The following TUBGCP5 variants were observed in gnomAD, a reference collection of about 807,000 sequenced individuals.
TUBGCP5 encodes tubulin gamma complex component 5.
A neutral mutation model predicts 134.7 loss-of-function variants in TUBGCP5; 98 were observed. The observed-to-expected ratio is 0.73, with a 90% CI of 0.62 to 0.86. The LOEUF (loss-of-function observed/expected upper bound fraction) is 0.86, where lower values mean the gene tolerates loss of function less well. Ranked by LOEUF, TUBGCP5 falls within the 40% of genes least tolerant of loss-of-function variation. The pLI, the probability that TUBGCP5 is intolerant of heterozygous loss-of-function variation, is 0.00. For synonymous variants in TUBGCP5, 456 were observed against 431.4 expected (o/e 1.06, Z -0.71); for missense variants, 1,150 against 1,244.8 (o/e 0.92, Z 1.15).
chr15:23,022,823 G>A (rs996713800), intron 10 of TUBGCP5, among the ~76,000 whole-genome samples: 1 of 152,110 alleles, frequency 6.6e-6, no homozygotes, highest in African/African-American at 2.4e-5. Flanking sequence ...GGGCCTCTCT[G>A]TACTATTTTT....
chr15:22,992,648 TAA>T (rs1422025391), intron 23 of TUBGCP5, among the ~76,000 whole-genome samples: 1 of 152,140 alleles, frequency 6.6e-6, no homozygotes, highest in East Asian at 1.9e-4. Flanking sequence ...TTGATGACAC[TAA>T]AGTGCTTTGA....
intron 11 of TUBGCP5, among the ~76,000 whole-genome samples, chr15:23,021,257 C>T (rs2065671208): frequency 6.6e-6 from 1 of 152,108 alleles, no homozygotes; most frequent in Admixed American, 6.6e-5. Flanking sequence ...AGGCGTGAGC[C>T]ACTATGCATG....
In TUBGCP5 at chr15:23,026,121, G is replaced by A; in HGVS notation, c.822C>T (p.Thr274=). 1.9e-6 allele frequency: 3 copies of A among 1,605,996 alleles called. No individual in the cohort carries two copies. Among genetic ancestry groups the A allele is most frequent in the Admixed American group, 1.7e-5 (1 of 57,912 alleles). ...LVTETQVIRE[T]LWLLSGVKKL... ...ATTAAATGAACATTTCTTACCATAG[G>A]GTTTCCCGAATAACCTGAGTCTCAG... Residue 274 remains threonine (T), a synonymous_variant, in exon 8 of 23, where the codon ACC becomes ACT. Transcript: ENST00000615383.
chr15:23,032,078 A>G (rs2066343877), intron 4 of TUBGCP5, 49 bp from the exon 5 acceptor site: 9 of 1,412,004 alleles, frequency 6.4e-6, no homozygotes, highest in African/African-American at 2.9e-5. Flanking sequence ...TCTATCTTTG[A>G]AAAAAAACCT....
chr15:23,008,588 TA>T (rs773189509), intron 16 of TUBGCP5, 110 bp downstream of exon 16: 8 of 1,315,940 alleles, frequency 6.1e-6, no homozygotes, highest in Non-Finnish European at 8.7e-6. Flanking sequence ...ATAATATTAG[TA>T]AAACTCATAG....
intron 23 of TUBGCP5, among the ~76,000 whole-genome samples, chr15:22,985,350 C>G (rs1200009502): frequency 1.3e-5 from 2 of 151,486 alleles, no homozygotes; most frequent in Non-Finnish European, 2.9e-5. Context: ...TTCCGAGTAG[C>G]TGGGATTACA....
intron 23 of TUBGCP5, among the ~76,000 whole-genome samples, chr15:22,994,012 G>C (rs1479281952): frequency 2.0e-5 from 3 of 151,838 alleles, no homozygotes; most frequent in Non-Finnish European, 4.4e-5. Flanking sequence ...TTGCCTCAGA[G>C]TACCCTTTAG....
chr15:23,032,131 G>A (rs2066345639), intron 4 of TUBGCP5, 102 bp from the exon 5 acceptor site: 1 of 711,286 alleles, frequency 1.4e-6, no homozygotes, highest in Non-Finnish European at 2.2e-6. Flanking sequence ...AAATACTCAG[G>A]AAATAAAAAT....
rs1355625047 is a variant in TUBGCP5, at chr15:22,993,557, T to C, written c.*61+3288A>G. On this transcript the variant is annotated intron_variant and NMD_transcript_variant, in intron 23 of 23. Transcript: ENST00000614508. ...TTTTTTTTTTTTTTTTTTTTTTTTTTAATATGAGACGGAGTCTCGCTCTGT... is the reference window on the plus strand; with the variant it reads ...TTTTTTTTTTTTTTTTTTTTTTTTTCAATATGAGACGGAGTCTCGCTCTGT... 8.8e-4 allele frequency among the ~76,000 whole-genome samples: 109 copies of C among 123,338 alleles called. 1 individual carries two copies. The highest frequency in any genetic ancestry group is 3.9e-3 in the African/African-American group (109 of 27,812). 80.9% of individuals were successfully genotyped at this position (123,338 alleles called of 152,430 possible). A position where few individuals can be genotyped will look rare whatever the true frequency, so the allele number is the denominator to read the frequency against.
chr15:23,014,969 C>A (rs1030712384), intron 13 of TUBGCP5, among the ~76,000 whole-genome samples: 3 of 152,148 alleles, frequency 2.0e-5, no homozygotes, highest in Non-Finnish European at 4.4e-5. Context: ...GCCAGAGTAA[C>A]AGCCTGTGGT....
intron 3 of TUBGCP5, 139 bp downstream of exon 3, chr15:23,036,758 T>C: frequency 1.5e-6 from 1 of 666,442 alleles, no homozygotes; most frequent in East Asian, 2.6e-5. Flanking sequence ...TGGCAATATT[T>C]AAGTAAATTT....
intron 10 of TUBGCP5, 42 bp downstream of exon 10, chr15:23,023,905 G>A: frequency 1.3e-6 from 2 of 1,576,358 alleles, no homozygotes; most frequent in Non-Finnish European, 1.7e-6. Context: ...TTCAAATTAT[G>A]AGTTACGTGT....
In TUBGCP5 at chr15:23,013,336, C is replaced by G. The variant is rs180969001; in HGVS notation, c.1757-2005G>C. On this transcript the variant is annotated intron_variant, in intron 13 of 22. Coordinates refer to ENST00000615383, the MANE Select transcript of TUBGCP5 (RefSeq NM_052903.6). This position sits in a 1 kb window ranked among gnomAD's most constrained non-coding sequence, Gnocchi z 4.5. ...GGCACGGTGGTGTGCGCCTGTAGTC[C>G]CAGCTGCTGGGGAGGCTGAGGCAGG... Among the ~76,000 whole-genome samples the G allele has an allele frequency of 3.2e-4, 48 of 151,896 alleles. No individual in the cohort carries two copies. In the East Asian group the frequency reaches 7.6e-3, roughly 24 times the overall value.
intron 13 of TUBGCP5, among the ~76,000 whole-genome samples, chr15:23,014,465 G>C (rs1300720521): frequency 1.3e-5 from 2 of 152,200 alleles, no homozygotes; most frequent in African/African-American, 4.8e-5. Context: ...CATGTTCTGA[G>C]CCAGCTGGCA....
chr15:23,012,533 A>G (rs981845083), intron 13 of TUBGCP5, among the ~76,000 whole-genome samples: 1 of 152,014 alleles, frequency 6.6e-6, no homozygotes, highest in Non-Finnish European at 1.5e-5. Context: ...CAGCCTCCTG[A>G]GTAGTGGGGA....
At chr15:23,031,709 C>T (rs755939211) in intron 5 of TUBGCP5, among the ~76,000 whole-genome samples, 4 of 152,114 alleles carry the variant, frequency 2.6e-5, no homozygotes, top group African/African-American at 9.7e-5. Flanking sequence ...AGCAATCCTC[C>T]TGCCTCTCGA....
intron 19 of TUBGCP5, 53 bp from the exon 20 acceptor site, chr15:23,004,280 G>A: frequency 6.3e-7 from 1 of 1,586,342 alleles, no homozygotes; most frequent in South Asian, 1.2e-5. Flanking sequence ...GAGGACTTGT[G>A]TGCTGCACAC....
rs1425585928 is a variant in TUBGCP5, at chr15:22,999,723, T to C, written c.*97A>G. The C allele has an allele frequency of 7.1e-6, 10 of 1,418,364 alleles. No homozygotes were observed. The highest frequency in any genetic ancestry group is 1.7e-5 in the Admixed American group (1 of 58,512). The allele number at this position is 1,418,364 out of a possible 1,614,324, so 87.9% of individuals were successfully genotyped here. A position where few individuals can be genotyped will look rare whatever the true frequency, so the allele number is the denominator to read the frequency against. On this transcript the variant is annotated 3_prime_UTR_variant, in exon 23 of 23. Transcript: ENST00000615383. ...GCTGACTGTGGACAAGTTTTACAAA[T>C]AAACCAAAATAAAAATATTTTCACT...
At chr15:23,000,513 T>C (rs1042269846) in intron 22 of TUBGCP5, 56 bp downstream of exon 22, 1 of 1,593,316 alleles carries the variant, frequency 6.3e-7, no homozygotes. Context: ...CAATGACACA[T>C]ACACTTAGTT....
Sources: gnomAD v4.1 joint callset for allele counts (sites outside exome capture counted in the v4.1 genomes callset) on GRCh38, gnomAD v4.1.1 for gene constraint, Gnocchi (gnomAD v3.1) non-coding constraint, MANE v1.5 for transcripts, NCBI Gene and HGNC (gene_info 2026-07-23, HGNC 2026-07-21) for gene names.